USH2A: variants seen among roughly 807,000 people sequenced by gnomAD.
USH2A encodes the protein usherin, also known as Usher syndrome 2A (autosomal recessive, mild).
Under a neutral mutation model 538.9 loss-of-function variants are expected in USH2A, and 443 were observed. That is an observed-to-expected ratio of 0.82 (90% CI 0.76 to 0.89). USH2A has a LOEUF of 0.89. Ranked by LOEUF, USH2A falls within the 40% of genes least tolerant of loss-of-function variation. The probability of loss-of-function intolerance (pLI) is 0.00; values close to 1 mark genes in which losing one functional copy is unlikely to be tolerated. For synonymous variants in USH2A, 2,413 were observed against 2,273.5 expected, an observed-to-expected ratio of 1.06 and a Z score of -1.75; for missense variants, 6,633 against 6,324.8, an observed-to-expected ratio of 1.05 and a Z score of -1.65.
chr1:215,814,756 A>G (rs1662811053), intron 48 of USH2A, among the ~76,000 whole-genome samples: 1 of 152,058 alleles, frequency 6.6e-6, no homozygotes, highest in South Asian at 2.1e-4. Context: ...TTTCTTCATA[A>G]ATTACCCAGT....
At chr1:216,286,659 G>A (rs1345796751) in intron 11 of USH2A, among the ~76,000 whole-genome samples, 1 of 152,138 alleles carries the variant, frequency 6.6e-6, no homozygotes, top group East Asian at 1.9e-4. Flanking sequence ...CAGAGGTGGA[G>A]GTGGCAGTGA....
At chr1:216,151,725 G>A (rs930284326) in intron 21 of USH2A, among the ~76,000 whole-genome samples, 3 of 152,170 alleles carry the variant, frequency 2.0e-5, no homozygotes, top group Admixed American at 6.5e-5. Context: ...TAAATGAGGA[G>A]TGTTGTTTTT....
chr1:215,812,802 G>A (rs1045171029), intron 49 of USH2A, among the ~76,000 whole-genome samples: 1 of 152,184 alleles, frequency 6.6e-6, no homozygotes, highest in African/African-American at 2.4e-5. Context: ...AAGTTTAGAA[G>A]TCTTAAATAG....
rs572727946 is a variant in USH2A, at chr1:216,313,190, A to G, written c.1644+8693T>C. Among the ~76,000 whole-genome samples, 54 of 152,264 alleles carry G rather than the reference A, an allele frequency of 3.5e-4. No individual in the cohort carries two copies. In the Middle Eastern group the frequency reaches 0.01, roughly 29 times the overall value. On this transcript the variant is annotated intron_variant, in intron 9 of 71. Transcript: ENST00000307340. ...GGGTTTATGCTCCTATGACAACTTCATGTCACTGCTGATCTGACAGGAGGC... is the reference window on the plus strand; with the variant it reads ...GGGTTTATGCTCCTATGACAACTTCGTGTCACTGCTGATCTGACAGGAGGC...
intron 32 of USH2A, among the ~76,000 whole-genome samples, chr1:216,011,243 G>T (rs1459317033): frequency 6.6e-6 from 1 of 152,012 alleles, no homozygotes; most frequent in Non-Finnish European, 1.5e-5. Context: ...TTCTGTTCTG[G>T]ATCTCAAATA....
rs559964649 is a variant in USH2A at position 216,272,923 on chromosome 1, G to C, written c.1971+16357C>G. Among the ~76,000 whole-genome samples the C allele has an allele frequency of 2.0e-4, 30 of 152,182 alleles. 1 individual carries two copies. The South Asian group carries it at 6.2e-3, about 32-fold the overall frequency. ...GTAAAAGTCAAAAGAGACTCCAGGG[G>C]AATCAGGATCAATGGTTATGTGGCC... On this transcript the variant is annotated intron_variant, in intron 11 of 71. Transcript: ENST00000307340.
intron 14 of USH2A, among the ~76,000 whole-genome samples, chr1:216,221,574 C>T (rs1358374095): frequency 6.6e-6 from 1 of 152,160 alleles, no homozygotes; most frequent in South Asian, 2.1e-4. Flanking sequence ...GAAAGGGAGA[C>T]GTTAACAGTG....
chr1:215,952,089 C>T (rs1277006880), intron 37 of USH2A, among the ~76,000 whole-genome samples: 1 of 151,920 alleles, frequency 6.6e-6, no homozygotes, highest in Non-Finnish European at 1.5e-5. Flanking sequence ...TGGTCTCGAT[C>T]TCCTGACCTC....
chr1:215,885,703 T>C (rs1489439977), intron 41 of USH2A, among the ~76,000 whole-genome samples: 2 of 152,242 alleles, frequency 1.3e-5, no homozygotes, highest in South Asian at 2.1e-4. Flanking sequence ...TACTTACTAA[T>C]ATGTTACATT....
intron 37 of USH2A, among the ~76,000 whole-genome samples, chr1:215,940,164 A>G (rs1013904735): frequency 6.6e-6 from 1 of 152,154 alleles, no homozygotes; most frequent in Non-Finnish European, 1.5e-5. Context: ...TTCTGAATCC[A>G]ATTACACCTT....
At chr1:216,409,761 A>C (rs2039454606) in intron 3 of USH2A, among the ~76,000 whole-genome samples, 1 of 152,190 alleles carries the variant, frequency 6.6e-6, no homozygotes, top group African/African-American at 2.4e-5. Context: ...CGTAAAACCC[A>C]AAACTAAAAG....
At chr1:215,713,407 C>T (rs1427575850) in intron 61 of USH2A, among the ~76,000 whole-genome samples, 1 of 152,174 alleles carries the variant, frequency 6.6e-6, no homozygotes, top group Admixed American at 6.5e-5. Flanking sequence ...AACCACCTCA[C>T]TCAATAGCTT....
chr1:216,269,771 C>T (rs1179036441), intron 11 of USH2A, among the ~76,000 whole-genome samples: 1 of 152,070 alleles, frequency 6.6e-6, no homozygotes, highest in Non-Finnish European at 1.5e-5. Context: ...CCATTTTGGA[C>T]CATGCAGCAA....
chr1:216,085,867 C>T (rs1025162241), intron 24 of USH2A, among the ~76,000 whole-genome samples: 3 of 151,968 alleles, frequency 2.0e-5, no homozygotes, highest in Admixed American at 2.0e-4. Context: ...TATCCTTCTC[C>T]TAAATTTGAT....
intron 21 of USH2A, among the ~76,000 whole-genome samples, chr1:216,135,165 CTCACACACACACAT>C (rs1204347711): frequency 2.0e-5 from 2 of 101,680 alleles, no homozygotes; most frequent in African/African-American, 5.9e-5. Flanking sequence ...CTCTCTCTCT[CTCACACACACACAT>C]ACACACACAC....
chr1:215,900,184 A>G lies in USH2A; in HGVS notation c.7485T>C (p.Tyr2495=), dbSNP rs752783797. Residue 2495 remains tyrosine, a synonymous_variant, in exon 40 of 72, where the codon TAT becomes TAC. Coordinates refer to ENST00000307340, the MANE Select transcript of USH2A (RefSeq NM_206933.4). ...TGTACGGTTGGAGATCACTCACTTC[A>G]TAGCTTAACGATGCAGAAGGATTGG... The part of the protein sequence containing the change: ...LFSNPSASLS[Y]EVSDLQPYTE... The G allele has an allele frequency of 2.4e-5, 39 of 1,613,628 alleles. No homozygotes were observed. Among genetic ancestry groups the G allele is most frequent in the Non-Finnish European group, 3.3e-5 (39 of 1,179,784 alleles).
chr1:216,227,531 GATC>G (rs2035585722), intron 14 of USH2A, among the ~76,000 whole-genome samples: 1 of 152,106 alleles, frequency 6.6e-6, no homozygotes, highest in Non-Finnish European at 1.5e-5. Flanking sequence ...ATGGAGCAAA[GATC>G]ATGGAATGGA....
rs79979105 is a variant in USH2A at position 215,931,414 on chromosome 1, G to C, written c.7300+3202C>G. Among the ~76,000 whole-genome samples, 104 of 151,952 alleles carry C rather than the reference G, an allele frequency of 6.8e-4. 1 individual carries two copies. The East Asian group carries it at 0.019, about 28-fold the overall frequency. Reference sequence around the variant, plus strand: ...CTAAACTAAGGATTGTTTATTCTATGCTCACCTGAGAAAAGTAACCACTAT... The same window carrying C: ...CTAAACTAAGGATTGTTTATTCTATCCTCACCTGAGAAAAGTAACCACTAT... On this transcript the variant is annotated intron_variant, in intron 38 of 71. Transcript: ENST00000307340.
intron 13 of USH2A, among the ~76,000 whole-genome samples, chr1:216,239,345 C>T (rs2035890279): frequency 1.3e-5 from 2 of 152,082 alleles, no homozygotes; most frequent in Non-Finnish European, 1.5e-5. Flanking sequence ...CAGACCTTTG[C>T]TAGGCTCACA....
Sources: allele counts gnomAD v4.1 joint callset (sites outside exome capture counted in the v4.1 genomes callset), GRCh38; gene constraint gnomAD v4.1.1; transcripts MANE v1.5; gene names NCBI Gene and HGNC (gene_info 2026-07-23, HGNC 2026-07-21).